SMIM19: variants seen among roughly 807,000 people sequenced by gnomAD.
The protein encoded by SMIM19 is small integral membrane protein 19, also known as UPF0697 protein C8orf40.
In SMIM19, 6 loss-of-function variants were observed where a neutral mutation model predicts 13.2. The observed-to-expected ratio is 0.45, with a 90% confidence interval of 0.25 to 0.90. SMIM19 has a LOEUF of 0.90. Ranked by LOEUF, SMIM19 falls within the 40% of genes least tolerant of loss-of-function variation. The probability of loss-of-function intolerance (pLI) is 0.19; values close to 1 mark genes in which losing one functional copy is unlikely to be tolerated. For synonymous variants in SMIM19, 46 were observed against 43.1 expected (o/e 1.07, Z -0.27); for missense variants, 138 against 131.0 (o/e 1.05, Z -0.26).
At chr8:42,546,770 G>C (rs1338330874) in intron 2 of SMIM19, among the ~76,000 whole-genome samples, 164 bp downstream of exon 2, 1 of 150,790 alleles carries the variant, frequency 6.6e-6, no homozygotes, top group Non-Finnish European at 1.5e-5. Flanking sequence ...AGATCACGAG[G>C]TCAGGAAATT....
rs1395346116 is a variant in SMIM19 at position 42,553,322 on chromosome 8, C to G, written c.*714C>G. On this transcript the variant is annotated 3_prime_UTR_variant, in exon 4 of 4. Coordinates refer to ENST00000417410, the MANE Select transcript of SMIM19 (RefSeq NM_001135674.2). ...TTTTTCCTCATTATGCTCCCAGGAG[C>G]GAGTTTGTTTTTATCCCCGTTTCAT... The G allele has an allele frequency of 2.6e-5, 4 of 152,160 alleles. No individual in the cohort carries two copies. 9.4% of individuals were successfully genotyped at this position (152,160 alleles called of 1,614,324 possible).
rs992277061 is a variant in SMIM19, at chr8:42,541,675, C to G, written c.-703C>G. 6 of 149,814 alleles carry G rather than the reference C, an allele frequency of 4.0e-5. No homozygotes were observed. Among genetic ancestry groups the G allele is most frequent in the African/African-American group, 1.5e-4 (6 of 41,112 alleles). The allele number at this position is 149,814 out of a possible 1,614,324, so 9.3% of individuals were successfully genotyped here. On this transcript the variant is annotated 5_prime_UTR_variant, in exon 1 of 4. Coordinates refer to ENST00000417410, the MANE Select transcript of SMIM19 (RefSeq NM_001135674.2). ...TAAAGAGCCCCGGAGCGGAGCAGCG[C>G]TGGCCGCGTGCCGCCTCCGGAGCCG...
intron 1 of SMIM19, among the ~76,000 whole-genome samples, chr8:42,545,555 G>A (rs1384379852): frequency 2.6e-5 from 4 of 152,106 alleles, no homozygotes; most frequent in Admixed American, 2.6e-4. Flanking sequence ...TTTTGAGATG[G>A]AGTCCCGCTC....
intron 3 of SMIM19, among the ~76,000 whole-genome samples, chr8:42,549,048 A>G (rs571942766): frequency 2.6e-4 from 40 of 152,224 alleles, no homozygotes; most frequent in Non-Finnish European, 4.7e-4. Flanking sequence ...GAAATCACCC[A>G]TAAGTCCTCA....
intron 1 of SMIM19, among the ~76,000 whole-genome samples, chr8:42,542,714 A>T (rs1010213303): frequency 1.2e-4 from 19 of 152,010 alleles, no homozygotes; most frequent in African/African-American, 4.3e-4. Context: ...TAATCCCAGC[A>T]CTTTGGGAGG....
rs768379885 is a variant in SMIM19, at chr8:42,554,442, CATAA to C, written c.*1840_*1843del. 3.3e-5 allele frequency: 5 copies of C among 152,164 alleles called. No homozygotes were observed. The highest frequency in any genetic ancestry group is 5.9e-5 in the Non-Finnish European group (4 of 68,030). 9.4% of individuals were successfully genotyped at this position (152,164 alleles called of 1,614,324 possible). A position where few individuals can be genotyped will look rare whatever the true frequency, so the allele number is the denominator to read the frequency against. Reference sequence around the variant, plus strand: ...ATCTCAGATGTGTAAAATTAATGTACATAAATAAACGTAAGTCACACAATGAATT... The same window carrying C: ...ATCTCAGATGTGTAAAATTAATGTACATAAACGTAAGTCACACAATGAATT... On this transcript the variant is annotated 3_prime_UTR_variant, in exon 4 of 4. Transcript: ENST00000417410.
rs995709251 is a variant in SMIM19 at position 42,555,026 on chromosome 8, G to T, written c.*2418G>T. 1 of 152,142 alleles carries T rather than the reference G, an allele frequency of 6.6e-6. No homozygotes were observed. Among genetic ancestry groups the T allele is most frequent in the African/African-American group, 2.4e-5 (1 of 41,422 alleles). The allele number at this position is 152,142 out of a possible 1,614,324, so 9.4% of individuals were successfully genotyped here. Reference sequence around the variant, plus strand: ...CGCTGTGTCTGGTTGAGTTATTCATGATTCATCAGAAAATGACATGCAAGG... The same window carrying T: ...CGCTGTGTCTGGTTGAGTTATTCATTATTCATCAGAAAATGACATGCAAGG... On this transcript the variant is annotated 3_prime_UTR_variant, in exon 4 of 4. Coordinates refer to ENST00000417410, the MANE Select transcript of SMIM19 (RefSeq NM_001135674.2).
chr8:42,550,104 AT>A (rs1159871006), intron 3 of SMIM19, among the ~76,000 whole-genome samples: 1 of 152,170 alleles, frequency 6.6e-6, no homozygotes, highest in East Asian at 1.9e-4. Context: ...CTTAAAAAAA[AT>A]AAAAAAAAGT....
chr8:42,550,620 G>C (rs1213448925), intron 3 of SMIM19, among the ~76,000 whole-genome samples: 2 of 152,152 alleles, frequency 1.3e-5, no homozygotes, highest in Non-Finnish European at 2.9e-5. Flanking sequence ...CAGGAAAAAA[G>C]CTCTGTAATT....
At chr8:42,546,722 C>T (rs992452472) in intron 2 of SMIM19, 116 bp downstream of exon 2, 11 of 1,256,626 alleles carry the variant, frequency 8.8e-6, no homozygotes, top group Admixed American at 5.3e-5. Context: ...CAGTGGCTCA[C>T]ACCTGTAATC....
At chr8:42,550,473 C>G (rs535836706) in intron 3 of SMIM19, among the ~76,000 whole-genome samples, 4 of 152,266 alleles carry the variant, frequency 2.6e-5, no homozygotes, top group Non-Finnish European at 5.9e-5. Context: ...CAAGGAAAAT[C>G]CCTGTCTTTG....
chr8:42,542,033 C>T lies in SMIM19; in HGVS notation c.-345C>T, dbSNP rs1380509288. On this transcript the variant is annotated 5_prime_UTR_variant, in exon 1 of 4. Transcript: ENST00000417410. ...GCGGGCGGCGGAAACGTCCCTAGAG[C>T]CTCGCCGCCCTGGGACCCGGGCTGC... 1 of 152,234 alleles carries T rather than the reference C, an allele frequency of 6.6e-6. No individual in the cohort carries two copies. The highest frequency in any genetic ancestry group is 2.4e-5 in the African/African-American group (1 of 41,452). 9.4% of individuals were successfully genotyped at this position (152,234 alleles called of 1,614,324 possible).
chr8:42,552,928 A>T lies in SMIM19; in HGVS notation c.*320A>T. ...TTGGGAAGTGGGAATCCTGGAGTTT[A>T]TGCCATTTGCAATATTAAAAAATAA... is the stretch of plus-strand genomic sequence containing the variant. On this transcript the variant is annotated 3_prime_UTR_variant, in exon 4 of 4. Transcript: ENST00000417410. The T allele has an allele frequency of 3.8e-6, 1 of 263,550 alleles. No homozygotes were observed. The highest frequency in any genetic ancestry group is 7.1e-6 in the Non-Finnish European group (1 of 140,280). The allele number at this position is 263,550 out of a possible 1,614,324, so 16.3% of individuals were successfully genotyped here. A position where few individuals can be genotyped will look rare whatever the true frequency, so the allele number is the denominator to read the frequency against.
In SMIM19 at chr8:42,542,363, C is replaced by A. The variant is rs1813272995; in HGVS notation, c.-15C>A. ...TGCTTTCCTGGATGTTGGGTGAAGG[C>A]CTGTGAGCTTGTATGTACCCTTTGG... On this transcript the variant is annotated 5_prime_UTR_variant, in exon 1 of 4. Transcript: ENST00000417410. 1 of 846,960 alleles carries A rather than the reference C, an allele frequency of 1.2e-6. No homozygotes were observed. 52.5% of individuals were successfully genotyped at this position (846,960 alleles called of 1,614,324 possible). A position where few individuals can be genotyped will look rare whatever the true frequency, so the allele number is the denominator to read the frequency against.
At chr8:42,545,336 G>T (rs1445457866) in intron 1 of SMIM19, among the ~76,000 whole-genome samples, 1 of 152,190 alleles carries the variant, frequency 6.6e-6, no homozygotes, top group East Asian at 1.9e-4. Flanking sequence ...TCACAGCTGT[G>T]TCAATAGCAA....
intron 3 of SMIM19, among the ~76,000 whole-genome samples, chr8:42,549,975 A>T (rs1054264835): frequency 6.6e-6 from 1 of 152,012 alleles, no homozygotes; most frequent in Non-Finnish European, 1.5e-5. Flanking sequence ...GGGTGCCTGT[A>T]ATCCCAGCTA....
In SMIM19 at chr8:42,542,356, G is replaced by A; in HGVS notation, c.-22G>A. On this transcript the variant is annotated 5_prime_UTR_variant, in exon 1 of 4. It adds an upstream start codon to the 5' untranslated region. Coordinates refer to ENST00000417410, the MANE Select transcript of SMIM19 (RefSeq NM_001135674.2). The stretch of plus-strand genomic sequence containing the variant: ...TGTGAATTGCTTTCCTGGATGTTGG[G>A]TGAAGGCCTGTGAGCTTGTATGTAC... 1 of 804,250 alleles carries A rather than the reference G, an allele frequency of 1.2e-6. No individual in the cohort carries two copies. Among genetic ancestry groups the A allele is most frequent in the Non-Finnish European group, 1.5e-6 (1 of 664,578 alleles). 49.8% of individuals were successfully genotyped at this position (804,250 alleles called of 1,614,324 possible).
intron 3 of SMIM19, among the ~76,000 whole-genome samples, chr8:42,551,452 A>G (rs1444036650): frequency 6.6e-6 from 1 of 152,226 alleles, no homozygotes; most frequent in Non-Finnish European, 1.5e-5. Flanking sequence ...AGAAGTACAA[A>G]AAGAAGACAG....
At chr8:42,541,375 G>A (rs1446586744), upstream of SMIM19, 1 of 147,772 alleles carries the variant, frequency 6.8e-6, no homozygotes, top group Non-Finnish European at 1.5e-5. Context: ...GTCGGGCCGG[G>A]GGCTCGCGGG....
Sources: allele counts gnomAD v4.1 joint callset (sites outside exome capture counted in the v4.1 genomes callset), GRCh38; gene constraint gnomAD v4.1.1; transcripts MANE v1.5; gene names NCBI Gene and HGNC (gene_info 2026-07-23, HGNC 2026-07-21).